Variants in BCAR3 observed in about 807,000 individuals in gnomAD.
The protein encoded by BCAR3 is breast cancer anti-estrogen resistance protein 3.
A neutral mutation model predicts 80.1 loss-of-function variants in BCAR3; 37 were observed. That is an observed-to-expected ratio of 0.46 (90% CI 0.36 to 0.61). The LOEUF (loss-of-function observed/expected upper bound fraction) is 0.61. Among genes scored for constraint, BCAR3 ranks in the 20% least tolerant of loss-of-function variants. The pLI is 0.00. For synonymous variants in BCAR3, 389 were observed against 418.9 expected, an observed-to-expected ratio of 0.93 and a Z score of 0.87; for missense variants, 978 against 1,068.2, an observed-to-expected ratio of 0.92 and a Z score of 1.18.
chr1:93,629,996 C>A (rs1017377384), intron 3 of BCAR3, among the ~76,000 whole-genome samples: 1 of 152,204 alleles, frequency 6.6e-6, no homozygotes, highest in African/African-American at 2.4e-5. Flanking sequence ...GCATTACCTG[C>A]TTTGCAAAAT....
At chr1:93,801,044 T>C (rs1026549027) in intron 2 of BCAR3, among the ~76,000 whole-genome samples, 16 of 152,256 alleles carry the variant, frequency 1.1e-4, no homozygotes, top group African/African-American at 3.9e-4. Flanking sequence ...CCGCAGAGTA[T>C]TGCAAAAGAA....
intron 2 of BCAR3, among the ~76,000 whole-genome samples, chr1:93,760,347 G>T (rs1446581607): frequency 6.6e-6 from 1 of 152,058 alleles, no homozygotes; most frequent in Non-Finnish European, 1.5e-5. Context: ...CAATAATCCA[G>T]CTTATAAGGC....
intron 2 of BCAR3, among the ~76,000 whole-genome samples, chr1:93,755,219 CATTT>C (rs1002405160): frequency 1.2e-4 from 18 of 152,118 alleles, no homozygotes; most frequent in African/African-American, 4.3e-4. Context: ...AAAAATAAAA[CATTT>C]ATAAAGTTAA....
intron 2 of BCAR3, among the ~76,000 whole-genome samples, chr1:93,711,802 A>G (rs1650036850): frequency 6.6e-6 from 1 of 152,284 alleles, no homozygotes; most frequent in African/African-American, 2.4e-5. Flanking sequence ...CTCACTGCTA[A>G]GGAAGCACCT....
intron 2 of BCAR3, among the ~76,000 whole-genome samples, chr1:93,716,243 T>C (rs1650183352): frequency 2.0e-5 from 3 of 152,236 alleles, no homozygotes; most frequent in Non-Finnish European, 4.4e-5. Flanking sequence ...ACCATGTGTA[T>C]GTATTACTTA....
intron 2 of BCAR3, among the ~76,000 whole-genome samples, chr1:93,728,820 G>T (rs1236706169): frequency 1.3e-5 from 2 of 152,108 alleles, no homozygotes; most frequent in African/African-American, 4.8e-5. Flanking sequence ...TGCCTGCTAG[G>T]GTCTCAGGGT....
At chr1:93,593,067 A>G (rs997715576) in intron 3 of BCAR3, among the ~76,000 whole-genome samples, 3 of 152,234 alleles carry the variant, frequency 2.0e-5, no homozygotes, top group Non-Finnish European at 4.4e-5. Context: ...CAGATGTTTG[A>G]GAATCAGTGG....
At chr1:93,780,131 C>T (rs1351001871) in intron 2 of BCAR3, among the ~76,000 whole-genome samples, 2 of 152,316 alleles carry the variant, frequency 1.3e-5, no homozygotes, top group South Asian at 2.1e-4. Context: ...TACAGGACTC[C>T]TCTGTGGCCT....
chr1:93,683,127 C>T (rs189544696), upstream of BCAR3, among the ~76,000 whole-genome samples: 1 of 152,246 alleles, frequency 6.6e-6, no homozygotes, highest in Admixed American at 6.5e-5. Context: ...ATAAAGAACA[C>T]CTACGGATCA....
At chr1:93,613,854 C>G in intron 3 of BCAR3, 1 of 1,550,456 alleles carries the variant, frequency 6.4e-7, no homozygotes. Flanking sequence ...TACCTTGACT[C>G]CAATGAAAGA....
At chr1:93,816,670 CAAAAAAAAAAA>C (rs60051218) in intron 2 of BCAR3, among the ~76,000 whole-genome samples, 6 of 53,874 alleles carry the variant, frequency 1.1e-4, no homozygotes, top group Non-Finnish European at 1.7e-4. Flanking sequence ...GACTCCATCT[CAAAAAAAAAAA>C]AAAAAAAAAA....
intron 7 of BCAR3, among the ~76,000 whole-genome samples, chr1:93,580,576 C>G (rs1177208367): frequency 1.3e-5 from 2 of 151,252 alleles, no homozygotes; most frequent in Non-Finnish European, 2.9e-5. Context: ...CCATTATTCC[C>G]TAAATAATGC....
At chr1:93,829,996 C>T (rs1188791599) in intron 2 of BCAR3, among the ~76,000 whole-genome samples, 1 of 152,144 alleles carries the variant, frequency 6.6e-6, no homozygotes, top group African/African-American at 2.4e-5. Context: ...TAGCTCCTCC[C>T]CACTCACTCT....
intron 3 of BCAR3, among the ~76,000 whole-genome samples, chr1:93,688,698 C>A (rs1257206213): frequency 4.6e-5 from 7 of 152,120 alleles, no homozygotes; most frequent in African/African-American, 1.4e-4. Flanking sequence ...TGGGTTCAAG[C>A]AACTCTCCTG....
In BCAR3 at chr1:93,592,488, T is replaced by TA; in HGVS notation, c.358-96dup. On this transcript the variant is annotated intron_variant, in intron 3 of 11. Coordinates refer to ENST00000260502, the MANE Select transcript of BCAR3 (RefSeq NM_003567.4). The surrounding 1 kb of genome is among the most constrained non-coding windows in gnomAD (Gnocchi z 4.8). Reference sequence around the variant, plus strand: ...CGCCTGCTTCACTAATCCAACCAGTTATGCTACAGCCTGCATTCAGGTAGG... The same window carrying TA: ...CGCCTGCTTCACTAATCCAACCAGTTAATGCTACAGCCTGCATTCAGGTAGG... 6.9e-7 allele frequency: 1 copy of TA among 1,455,490 alleles called. No individual in the cohort carries two copies. The highest frequency in any genetic ancestry group is 9.1e-7 in the Non-Finnish European group (1 of 1,095,300). The allele number at this position is 1,455,490 out of a possible 1,614,324, so 90.2% of individuals were successfully genotyped here.
intron 3 of BCAR3, among the ~76,000 whole-genome samples, chr1:93,702,012 G>A (rs538311436): frequency 3.7e-4 from 57 of 152,260 alleles, no homozygotes; most frequent in African/African-American, 1.1e-3. Context: ...GGGTGGGGTT[G>A]GGGGTGGACA....
intron 2 of BCAR3, among the ~76,000 whole-genome samples, chr1:93,809,539 G>A (rs1653758657): frequency 6.6e-6 from 1 of 151,746 alleles, no homozygotes; most frequent in Non-Finnish European, 1.5e-5. Flanking sequence ...AGGCCGAGGT[G>A]GGCGGATCAC....
intron 3 of BCAR3, among the ~76,000 whole-genome samples, chr1:93,702,393 T>A (rs1649675347): frequency 6.6e-6 from 1 of 152,192 alleles, no homozygotes; most frequent in African/African-American, 2.4e-5. Context: ...GTCTCCTGAC[T>A]GTTCCCCCAA....
intron 3 of BCAR3, among the ~76,000 whole-genome samples, chr1:93,632,168 A>G (rs889586312): frequency 6.6e-6 from 1 of 152,246 alleles, no homozygotes; most frequent in Non-Finnish European, 1.5e-5. Flanking sequence ...TGATTGTGCA[A>G]GATCATAAAA....
Sources: gnomAD v4.1 joint callset for allele counts (sites outside exome capture counted in the v4.1 genomes callset) on GRCh38, gnomAD v4.1.1 for gene constraint, Gnocchi (gnomAD v3.1) non-coding constraint, MANE v1.5 for transcripts, NCBI Gene and HGNC (gene_info 2026-07-23, HGNC 2026-07-21) for gene names.